SUCLA2: variants seen among roughly 807,000 people sequenced by gnomAD.
SUCLA2 encodes the protein succinate-CoA ligase ADP-forming subunit beta.
A neutral mutation model predicts 54.8 loss-of-function variants in SUCLA2; 30 were observed. The observed-to-expected ratio is 0.55, with a 90% CI of 0.41 to 0.74. SUCLA2 has a LOEUF of 0.74. SUCLA2 is among the 30% of genes least tolerant of loss of function. SUCLA2 has a pLI of 0.00. For missense variants in SUCLA2, 476 were observed against 562.9 expected (o/e 0.85, Z 1.56); for synonymous variants, 172 against 188.9 (o/e 0.91, Z 0.74).
chr13:47,972,740 T>C (rs1003036828), intron 5 of SUCLA2, among the ~76,000 whole-genome samples: 2 of 147,362 alleles, frequency 1.4e-5, no homozygotes, highest in Non-Finnish European at 3.0e-5. Flanking sequence ...GGTAATGGTA[T>C]AGTGACTCTT....
At chr13:47,982,901 T>C (rs1212298783) in intron 4 of SUCLA2, among the ~76,000 whole-genome samples, 3 of 152,178 alleles carry the variant, frequency 2.0e-5, no homozygotes, top group African/African-American at 4.8e-5. Context: ...ATAATAAAAC[T>C]GTAATACTAA....
intron 5 of SUCLA2, among the ~76,000 whole-genome samples, chr13:47,970,978 G>A (rs1949957807): frequency 6.6e-6 from 1 of 152,196 alleles, no homozygotes; most frequent in Non-Finnish European, 1.5e-5. Context: ...AGAGCTTGCA[G>A]TGAGTCAGGA....
intron 5 of SUCLA2, among the ~76,000 whole-genome samples, chr13:47,970,859 C>CA (rs375301919): frequency 0.063 from 9,394 of 148,232 alleles, 504 homozygotes; most frequent in African/African-American, 0.15. Flanking sequence ...GACTCCGTCT[C>CA]AAAAAAAAAA....
At chr13:47,965,388 G>C (rs770083914) in intron 6 of SUCLA2, among the ~76,000 whole-genome samples, 3 of 150,586 alleles carry the variant, frequency 2.0e-5, no homozygotes, top group Non-Finnish European at 2.9e-5. Context: ...CCAACATAAT[G>C]TACCTCCTGA....
chr13:47,945,310 C>T (rs960679967), intron 10 of SUCLA2, among the ~76,000 whole-genome samples: 2 of 145,782 alleles, frequency 1.4e-5, no homozygotes, highest in African/African-American at 5.1e-5. Context: ...GTAGTCTCAG[C>T]TACTCAGAAG....
At chr13:47,984,627 G>A (rs1950086815) in intron 4 of SUCLA2, among the ~76,000 whole-genome samples, 2 of 151,880 alleles carry the variant, frequency 1.3e-5, no homozygotes. Context: ...ATAAAGATCT[G>A]TAGCAGGGCA....
intron 1 of SUCLA2, among the ~76,000 whole-genome samples, chr13:48,000,648 C>T (rs1950222683): frequency 6.6e-6 from 1 of 152,190 alleles, no homozygotes; most frequent in African/African-American, 2.4e-5. Flanking sequence ...CTTATTACTG[C>T]TATTAACAAG....
chr13:47,962,196 T>C (rs977023082), intron 6 of SUCLA2, among the ~76,000 whole-genome samples: 2 of 152,206 alleles, frequency 1.3e-5, no homozygotes, highest in East Asian at 1.9e-4. Flanking sequence ...AGCCTTGATA[T>C]ATACTTTAAG....
intron 8 of SUCLA2, among the ~76,000 whole-genome samples, chr13:47,950,992 C>T (rs1949771038): frequency 6.6e-6 from 1 of 152,146 alleles, no homozygotes; most frequent in South Asian, 2.1e-4. Context: ...GACTAGAACT[C>T]ATAGCAGCCT....
chr13:47,943,659 T>A (rs138246311), intron 10 of SUCLA2, among the ~76,000 whole-genome samples: 158 of 151,890 alleles, frequency 1.0e-3, no homozygotes, highest in African/African-American at 3.7e-3. Flanking sequence ...AAATACTTTC[T>A]GATTAAGATG....
chr13:47,955,331 A>G (rs1316558574), intron 6 of SUCLA2, among the ~76,000 whole-genome samples: 1 of 152,114 alleles, frequency 6.6e-6, no homozygotes, highest in African/African-American at 2.4e-5. Flanking sequence ...CCTTCCGAGT[A>G]GCTGGGAATA....
At chr13:47,950,297 G>A (rs1258391796) in intron 8 of SUCLA2, among the ~76,000 whole-genome samples, 6 of 152,118 alleles carry the variant, frequency 3.9e-5, no homozygotes, top group Non-Finnish European at 7.4e-5. Context: ...TTTCTGGAGG[G>A]CTAGTGTGGG....
chr13:47,964,985 A>T (rs1249252143), intron 6 of SUCLA2, among the ~76,000 whole-genome samples: 56 of 924 alleles, frequency 0.061, no homozygotes, highest in African/African-American at 0.17. Flanking sequence ...CATTTATTTA[A>T]AAAAAAAAAA....
intron 4 of SUCLA2, among the ~76,000 whole-genome samples, chr13:47,979,489 G>A (rs1345970526): frequency 1.3e-5 from 2 of 152,132 alleles, no homozygotes; most frequent in Non-Finnish European, 2.9e-5. Flanking sequence ...GCCTGTCGGG[G>A]GGTGGGGGGC....
rs1949802101 is a variant in SUCLA2 at position 47,954,384 on chromosome 13, A to G, written c.964+12T>C. On this transcript the variant is annotated intron_variant, in intron 7 of 10. Transcript: ENST00000646932. ...TTAGTGAATCCAATTCTAACATAAA[A>G]ACACATGGTACCTAGGCAGCCTATA... 1 of 1,613,872 alleles carries G rather than the reference A, an allele frequency of 6.2e-7. No homozygotes were observed. Among genetic ancestry groups the G allele is most frequent in the Non-Finnish European group, 8.5e-7 (1 of 1,179,892 alleles).
intron 2 of SUCLA2, among the ~76,000 whole-genome samples, chr13:47,989,208 C>A (rs990009291): frequency 1.6e-5 from 2 of 124,536 alleles, no homozygotes; most frequent in Admixed American, 9.0e-5. Flanking sequence ...TACATTAAAC[C>A]ATTTCTTTTT....
chr13:47,975,909 A>G (rs1950008213), intron 4 of SUCLA2, among the ~76,000 whole-genome samples: 3 of 152,306 alleles, frequency 2.0e-5, no homozygotes, highest in African/African-American at 7.2e-5. Context: ...CCCACTCTGC[A>G]TAGAAGAAAT....
intron 2 of SUCLA2, among the ~76,000 whole-genome samples, chr13:47,992,280 T>A (rs979709853): frequency 1.3e-5 from 2 of 150,670 alleles, no homozygotes; most frequent in African/African-American, 4.9e-5. Flanking sequence ...GTTCTTCTCT[T>A]CCCCGCAAAG....
In SUCLA2 at chr13:47,972,407, G is replaced by A. The variant is rs532409711; in HGVS notation, c.663+857C>T. Among the ~76,000 whole-genome samples the A allele has an allele frequency of 4.6e-5, 7 of 152,182 alleles. No individual in the cohort carries two copies. The East Asian group carries it at 7.8e-4, about 17-fold the overall frequency. ...TTGTTGGCTGGGCGCGCTGGCTCAC[G>A]CCTATAATCCCAGCACTTTGGGAGG... On this transcript the variant is annotated intron_variant, in intron 5 of 10. Coordinates refer to ENST00000646932, the MANE Select transcript of SUCLA2 (RefSeq NM_003850.3).
Sources: allele counts gnomAD v4.1 joint callset (sites outside exome capture counted in the v4.1 genomes callset), GRCh38; gene constraint gnomAD v4.1.1; transcripts MANE v1.5; gene names NCBI Gene and HGNC (gene_info 2026-07-23, HGNC 2026-07-21).